Variants in PIK3CB observed in about 807,000 individuals in gnomAD.
The protein encoded by PIK3CB is phosphatidylinositol-4,5-bisphosphate 3-kinase catalytic subunit beta, also known as phosphatidylinositol 4,5-bisphosphate 3-kinase catalytic subunit beta isoform.
PIK3CB carries 39 observed loss-of-function variants against 136.8 expected under a neutral mutation model. The observed-to-expected ratio is 0.29, with a 90% CI of 0.22 to 0.37. The LOEUF is 0.37. Among genes scored for constraint, PIK3CB ranks in the 10% least tolerant of loss-of-function variants. PIK3CB has a pLI of 1.00. For missense variants in PIK3CB, 868 were observed against 1,275.4 expected (o/e 0.68, Z 4.87); for synonymous variants, 428 against 436.6 (o/e 0.98, Z 0.25).
At chr3:138,777,995 G>A in intron 2 of PIK3CB, 1 of 389,560 alleles carries the variant, frequency 2.6e-6, no homozygotes, top group South Asian at 2.1e-5. Flanking sequence ...CAAATTCCGT[G>A]GCACAGTCAA....
intron 4 of PIK3CB, among the ~76,000 whole-genome samples, chr3:138,754,550 T>C (rs1240277002): frequency 1.3e-5 from 2 of 152,204 alleles, no homozygotes; most frequent in African/African-American, 2.4e-5. Flanking sequence ...TATATGTCAC[T>C]AATATATAAG....
intron 8 of PIK3CB, among the ~76,000 whole-genome samples, chr3:138,717,892 T>C (rs1272502600): frequency 2.0e-5 from 3 of 152,224 alleles, no homozygotes; most frequent in African/African-American, 7.2e-5. Context: ...TGCACAGTAC[T>C]CCATGGTGAT....
chr3:138,801,655 G>C (rs2046177389), intron 1 of PIK3CB, among the ~76,000 whole-genome samples: 1 of 151,928 alleles, frequency 6.6e-6, no homozygotes, highest in Non-Finnish European at 1.5e-5. Flanking sequence ...TGGATCAGGA[G>C]GTCAAGAGAT....
At chr3:138,815,440 AAG>A (rs1553743745) in intron 1 of PIK3CB, among the ~76,000 whole-genome samples, 2 of 149,708 alleles carry the variant, frequency 1.3e-5, no homozygotes, top group Non-Finnish European at 3.0e-5. Flanking sequence ...GAAAAAAAAA[AAG>A]AAGAAAGAGA....
intron 9 of PIK3CB, among the ~76,000 whole-genome samples, chr3:138,712,569 A>AT (rs112800043): frequency 0.012 from 1,690 of 141,594 alleles, 14 homozygotes; most frequent in African/African-American, 0.019. Flanking sequence ...TGTGAAAATG[A>AT]TTTTTTTTTT....
intron 2 of PIK3CB, among the ~76,000 whole-genome samples, chr3:138,788,984 A>C (rs1299396355): frequency 1.2e-4 from 18 of 149,958 alleles, no homozygotes; most frequent in African/African-American, 2.5e-4. Context: ...AAAAAAAAAA[A>C]AAAAAAAACA....
chr3:138,774,993 T>C (rs2045841308), intron 2 of PIK3CB, among the ~76,000 whole-genome samples: 1 of 152,266 alleles, frequency 6.6e-6, no homozygotes, highest in Non-Finnish European at 1.5e-5. Context: ...TTGTCTGTTT[T>C]AAACCTTTTC....
chr3:138,655,549 T>G, intron 23 of PIK3CB, 23 bp from the exon 24 acceptor site: 2 of 1,585,922 alleles, frequency 1.3e-6, no homozygotes, highest in Non-Finnish European at 1.7e-6. Context: ...GGGGAAAATA[T>G]GATTTTATAT....
intron 2 of PIK3CB, among the ~76,000 whole-genome samples, chr3:138,791,689 G>A (rs1232443431): frequency 6.6e-6 from 1 of 152,102 alleles, no homozygotes; most frequent in Non-Finnish European, 1.5e-5. Flanking sequence ...AGCACATCCA[G>A]CTTCAAACAC....
intron 1 of PIK3CB, among the ~76,000 whole-genome samples, chr3:138,802,157 C>T (rs1478926710): frequency 6.6e-6 from 1 of 150,718 alleles, no homozygotes; most frequent in Admixed American, 6.7e-5. Context: ...GTGGATCACT[C>T]GAGGTCAGGA....
At chr3:138,667,092 C>T (rs1436424725) in intron 19 of PIK3CB, among the ~76,000 whole-genome samples, 1 of 151,520 alleles carries the variant, frequency 6.6e-6, no homozygotes, top group African/African-American at 2.4e-5. Context: ...TCCTATAGTC[C>T]CAGCTACTTG....
intron 2 of PIK3CB, among the ~76,000 whole-genome samples, chr3:138,767,724 C>A (rs1359398988): frequency 6.6e-6 from 1 of 152,188 alleles, no homozygotes; most frequent in Admixed American, 6.5e-5. Context: ...CCAGTACGGG[C>A]ACCAGCTCTC....
At chr3:138,686,176 T>C (rs897957865) in intron 16 of PIK3CB, among the ~76,000 whole-genome samples, 5 of 151,034 alleles carry the variant, frequency 3.3e-5, no homozygotes, top group African/African-American at 7.3e-5. Context: ...CAGTGGCTCA[T>C]GCCTGTAATC....
At position 138,812,118 on chromosome 3, in the gene PIK3CB, G is replaced by A. The variant is rs114889250; in HGVS notation, c.-121-15551C>T. ...AAAAAAGAAAAAAGCCAAACTCCTA[G>A]ATGATTTCATTTATATAACATTCTC... On this transcript the variant is annotated intron_variant, in intron 1 of 23. Coordinates refer to ENST00000674063, the MANE Select transcript of PIK3CB (RefSeq NM_006219.3). 2.1e-3 allele frequency among the ~76,000 whole-genome samples: 312 copies of A among 151,920 alleles called. 1 individual carries two copies. Among genetic ancestry groups the A allele is most frequent in the African/African-American group, 7.1e-3 (295 of 41,454 alleles).
intron 1 of PIK3CB, among the ~76,000 whole-genome samples, chr3:138,810,644 C>A (rs916702958): frequency 1.3e-5 from 2 of 152,108 alleles, no homozygotes; most frequent in Non-Finnish European, 2.9e-5. Flanking sequence ...TTGGGCCGGG[C>A]ATGGTGGCTC....
At chr3:138,743,399 T>C (rs1263328647) in intron 4 of PIK3CB, among the ~76,000 whole-genome samples, 2 of 152,230 alleles carry the variant, frequency 1.3e-5, no homozygotes, top group Admixed American at 1.3e-4. Flanking sequence ...GACTGAATTT[T>C]CAGTTCATTG....
intron 19 of PIK3CB, among the ~76,000 whole-genome samples, chr3:138,675,159 T>G (rs970687170): frequency 6.6e-6 from 1 of 151,836 alleles, no homozygotes; most frequent in African/African-American, 2.4e-5. Flanking sequence ...AATTCCAGAG[T>G]TGAAAAGGGC....
chr3:138,749,926 T>C (rs138978658), intron 4 of PIK3CB, among the ~76,000 whole-genome samples: 2,009 of 152,284 alleles, frequency 0.013, 43 homozygotes, highest in Middle Eastern at 0.048. Flanking sequence ...CAGGCTGGAG[T>C]GCAGTGGCAT....
chr3:138,666,561 C>T (rs1000925263), intron 19 of PIK3CB, among the ~76,000 whole-genome samples: 1 of 152,136 alleles, frequency 6.6e-6, no homozygotes, highest in African/African-American at 2.4e-5. Context: ...TCTTCAGTAA[C>T]TTATATGAGC....
Sources: allele counts gnomAD v4.1 joint callset (sites outside exome capture counted in the v4.1 genomes callset), GRCh38; gene constraint gnomAD v4.1.1; transcripts MANE v1.5; gene names NCBI Gene and HGNC (gene_info 2026-07-23, HGNC 2026-07-21).